Variants in PHLPP1 observed in about 807,000 individuals in gnomAD.
PHLPP1 encodes PH domain leucine-rich repeat-containing protein phosphatase 1.
PHLPP1 carries 42 observed loss-of-function variants against 117.2 expected under a neutral mutation model. That is an observed-to-expected ratio of 0.36 (90% CI 0.28 to 0.46). PHLPP1 has a LOEUF of 0.46. PHLPP1 is among the 20% of genes least tolerant of loss of function. The pLI, the probability that PHLPP1 is intolerant of heterozygous loss-of-function variation, is 1.00. For synonymous variants in PHLPP1, 1,042 were observed against 970.7 expected (o/e 1.07, Z -1.37); for missense variants, 2,084 against 2,241.9 (o/e 0.93, Z 1.42).
chr18:62,841,834 A>G (rs771688521), intron 3 of PHLPP1, among the ~76,000 whole-genome samples: 16 of 152,170 alleles, frequency 1.1e-4, no homozygotes, highest in African/African-American at 1.7e-4. Flanking sequence ...ATCTTAGATT[A>G]CTGGTATTGA....
intron 8 of PHLPP1, among the ~76,000 whole-genome samples, chr18:62,912,302 TAAAAA>T (rs36028962): frequency 6.1e-5 from 8 of 131,476 alleles, no homozygotes; most frequent in African/African-American, 2.4e-4. Flanking sequence ...TAGAGTATAA[TAAAAA>T]AAAAAAATTA....
At chr18:62,745,542 TGA>T (rs1465766899) in intron 1 of PHLPP1, among the ~76,000 whole-genome samples, 1 of 152,180 alleles carries the variant, frequency 6.6e-6, no homozygotes, top group Non-Finnish European at 1.5e-5. Context: ...GAACTCTCAT[TGA>T]GAGCATGTGG....
In PHLPP1 at chr18:62,770,229, G is replaced by A. The variant is rs191807729; in HGVS notation, c.1576+52970G>A. 1.2e-3 allele frequency among the ~76,000 whole-genome samples: 176 copies of A among 152,222 alleles called. 1 individual carries two copies. The highest frequency in any genetic ancestry group is 4.2e-3 in the Admixed American group (64 of 15,298). The stretch of plus-strand genomic sequence containing the variant: ...GGTTTCAAGCGATTCTCCTGCCTCA[G>A]CCTCCCAGGTAGCTGGGATTACAGG... On this transcript the variant is annotated intron_variant, in intron 1 of 16. Coordinates refer to ENST00000262719, the MANE Select transcript of PHLPP1 (RefSeq NM_194449.4).
At chr18:62,952,032 A>G (rs1465460977) in intron 12 of PHLPP1, among the ~76,000 whole-genome samples, 1 of 151,708 alleles carries the variant, frequency 6.6e-6, no homozygotes, top group Non-Finnish European at 1.5e-5. Context: ...GTTAGCCAGG[A>G]TGGTCTCGAT....
intron 1 of PHLPP1, among the ~76,000 whole-genome samples, chr18:62,743,397 G>C (rs934313221): frequency 6.6e-6 from 1 of 151,202 alleles, no homozygotes; most frequent in African/African-American, 2.4e-5. Context: ...CCCAGCATCA[G>C]CAGTTGCCAA....
At chr18:62,973,895 G>A (rs1911121019) in intron 15 of PHLPP1, among the ~76,000 whole-genome samples, 1 of 152,208 alleles carries the variant, frequency 6.6e-6, no homozygotes, top group African/African-American at 2.4e-5. Context: ...AATAGGTAGT[G>A]CAGCCAGGAC....
intron 4 of PHLPP1, among the ~76,000 whole-genome samples, chr18:62,893,543 A>C (rs916602506): frequency 9.2e-5 from 14 of 152,254 alleles, no homozygotes; most frequent in African/African-American, 3.4e-4. Flanking sequence ...AAATAGGTAC[A>C]TGGTCAGCTT....
At chr18:62,917,189 C>T (rs966429634) in intron 9 of PHLPP1, among the ~76,000 whole-genome samples, 2 of 147,466 alleles carry the variant, frequency 1.4e-5, no homozygotes, top group African/African-American at 2.5e-5. Context: ...ATATATTATA[C>T]ATTAACATAT....
intron 1 of PHLPP1, among the ~76,000 whole-genome samples, chr18:62,770,847 G>A (rs1341401975): frequency 1.3e-5 from 2 of 152,140 alleles, no homozygotes; most frequent in African/African-American, 4.8e-5. Flanking sequence ...TATACACATA[G>A]TCTGAAGGTA....
rs191712668 is a variant in PHLPP1, at chr18:62,816,607, T to C, written c.1577-13428T>C. Among the ~76,000 whole-genome samples, 3 of 152,204 alleles carry C rather than the reference T, an allele frequency of 2.0e-5. No individual in the cohort carries two copies. The East Asian group carries it at 5.8e-4, about 29-fold the overall frequency. ...AATAATAAAAAAAAAGAAGTTTGTT[T>C]ATTTTTCTAAAACTTTATGCAGTGG... On this transcript the variant is annotated intron_variant, in intron 1 of 16. Transcript: ENST00000262719.
At chr18:62,795,249 G>A (rs938901975) in intron 1 of PHLPP1, among the ~76,000 whole-genome samples, 5 of 152,086 alleles carry the variant, frequency 3.3e-5, no homozygotes, top group Admixed American at 2.6e-4. Context: ...AGGCTGAGGT[G>A]GGCGGATTCC....
chr18:62,850,030 A>G (rs190137390), intron 3 of PHLPP1, among the ~76,000 whole-genome samples: 93 of 150,818 alleles, frequency 6.2e-4, no homozygotes, highest in African/African-American at 2.1e-3. Flanking sequence ...CTCTGTATTA[A>G]ACATACTGAA....
chr18:62,827,134 C>G (rs541805852), intron 1 of PHLPP1, among the ~76,000 whole-genome samples: 1 of 152,284 alleles, frequency 6.6e-6, no homozygotes, highest in African/African-American at 2.4e-5. Context: ...CTACTATGTG[C>G]CAAGTGCGTA....
rs747928619 is a variant in PHLPP1, at chr18:62,979,329, A to ACAG, written c.5066_5068dup (p.Gln1689dup). On this transcript the variant is annotated inframe_insertion, in exon 17 of 17. Transcript: ENST00000262719. ...AAATCATGAAGCATCACCAGGAGCAACAGCAGCAGCAGCAGCCGCCACCAC... is the reference window on the plus strand; with the variant it reads ...AAATCATGAAGCATCACCAGGAGCAACAGCAGCAGCAGCAGCAGCCGCCACCAC... 6.4e-7 allele frequency: 1 copy of ACAG among 1,551,718 alleles called. No individual in the cohort carries two copies. The highest frequency in any genetic ancestry group is 1.2e-5 in the South Asian group (1 of 84,148).
intron 10 of PHLPP1, among the ~76,000 whole-genome samples, chr18:62,933,056 A>AG (rs1909865168): frequency 1.3e-5 from 2 of 152,200 alleles, no homozygotes; most frequent in Admixed American, 1.3e-4. Context: ...CATTTATCCG[A>AG]GGAGGTGAAA....
intron 4 of PHLPP1, among the ~76,000 whole-genome samples, chr18:62,862,560 T>C (rs1234777804): frequency 6.6e-6 from 1 of 152,214 alleles, no homozygotes; most frequent in African/African-American, 2.4e-5. Context: ...TTTGAGAAAA[T>C]GTCTGCCAAA....
rs755503771 is a variant in PHLPP1 at position 62,979,067 on chromosome 18, T to C, written c.4790T>C (p.Ile1597Thr). The C allele has an allele frequency of 2.0e-5, 33 of 1,613,684 alleles. No individual in the cohort carries two copies. The Admixed American group carries it at 5.3e-4, about 26-fold the overall frequency. The change falls in exon 17 of 17, where the codon ATC (isoleucine) becomes ACC (threonine). Residue 1597 changes from isoleucine to threonine, a missense_variant. Physicochemically the swap from Ile to Thr is moderately conservative, Grantham distance 89. Transcript: ENST00000262719. Reference sequence around the variant, plus strand: ...GAGGCCAGTGATGAGGGCATTGTCATCAGCGCCAACGAGGATGAGCCAGGT... The same window carrying C: ...GAGGCCAGTGATGAGGGCATTGTCACCAGCGCCAACGAGGATGAGCCAGGT... ...PAEASDEGIV[I>T]SANEDEPGLP...
intron 1 of PHLPP1, among the ~76,000 whole-genome samples, chr18:62,777,626 T>C (rs747793437): frequency 2.6e-5 from 4 of 152,046 alleles, no homozygotes; most frequent in Non-Finnish European, 5.9e-5. Flanking sequence ...TCACAAAGAT[T>C]TTTCTTGAGT....
intron 3 of PHLPP1, among the ~76,000 whole-genome samples, chr18:62,848,569 T>C (rs544232915): frequency 6.7e-6 from 1 of 148,846 alleles, no homozygotes; most frequent in African/African-American, 2.5e-5. Flanking sequence ...GCTCAAGTGA[T>C]CCTCCCACCT....
Sources: gnomAD v4.1 joint callset for allele counts (sites outside exome capture counted in the v4.1 genomes callset) on GRCh38, gnomAD v4.1.1 for gene constraint, MANE v1.5 for transcripts, NCBI Gene and HGNC (gene_info 2026-07-23, HGNC 2026-07-21) for gene names.